CASC3: variants seen among roughly 807,000 people sequenced by gnomAD.
CASC3 encodes CASC3 exon junction complex subunit, also known as protein CASC3.
CASC3 carries 30 observed loss-of-function variants against 80.5 expected under a neutral mutation model. The ratio of observed to expected loss-of-function variants is 0.37; its 90% CI spans 0.28 to 0.51. CASC3 has a LOEUF of 0.51. Among genes scored for constraint, CASC3 ranks in the 20% least tolerant of loss-of-function variants. The pLI is 0.94. For missense variants in CASC3, 824 were observed against 922.2 expected, an observed-to-expected ratio of 0.89 and a Z score of 1.38; for synonymous variants, 312 against 333.6, an observed-to-expected ratio of 0.94 and a Z score of 0.70.
chr17:40,162,609 G>T, intron 5 of CASC3, 116 bp from the exon 6 acceptor site: 1 of 892,004 alleles, frequency 1.1e-6, no homozygotes, highest in Non-Finnish European at 1.7e-6. Context: ...TTGGGATGAT[G>T]AGGAGACTAC....
Position 40,161,911 on chromosome 17 carries a change from GGTTA to G in CASC3, c.456+3_456+6del. 1 of 1,614,082 alleles carries G rather than the reference GGTTA, an allele frequency of 6.2e-7. No homozygotes were observed. On this transcript the variant is annotated splice_donor_variant and splice_donor_region_variant and intron_variant, in intron 4 of 13. Transcript: ENST00000264645. LOFTEE classifies it high-confidence loss of function. ...GAGAGAGGCAAAGTGGGGACGGACA[GGTTA>G]GTACATTCCACAGTCCTCCATTTTA...
chr17:40,142,026 T>A (rs770941020), intron 3 of CASC3, among the ~76,000 whole-genome samples: 10 of 152,194 alleles, frequency 6.6e-5, no homozygotes, highest in Non-Finnish European at 1.5e-4. Context: ...ATCCATCATT[T>A]TATAGGTGGG....
At chr17:40,145,258 G>A (rs550783599) in intron 3 of CASC3, among the ~76,000 whole-genome samples, 1 of 150,670 alleles carries the variant, frequency 6.6e-6, no homozygotes, top group East Asian at 2.0e-4. Context: ...TGCAGCCTCC[G>A]CCCCGCCTGG....
chr17:40,171,892 G>A lies in CASC3; in HGVS notation c.*1487G>A. The A allele has an allele frequency of 1.6e-6, 2 of 1,227,338 alleles. No homozygotes were observed. Among genetic ancestry groups the A allele is most frequent in the Non-Finnish European group, 2.1e-6 (2 of 959,714 alleles). The allele number at this position is 1,227,338 out of a possible 1,614,324, so 76.0% of individuals were successfully genotyped here. On this transcript the variant is annotated 3_prime_UTR_variant, in exon 14 of 14. Coordinates refer to ENST00000264645, the MANE Select transcript of CASC3 (RefSeq NM_007359.5). ...AGGCACTTAATCTGTAACCCCCAAG[G>A]AGGAAATAACTAAGAGATTCTTCTA...
At position 40,161,816 on chromosome 17, in the gene CASC3, G is replaced by A. The variant is rs753798113; in HGVS notation, c.361G>A (p.Asp121Asn). The change falls in exon 4 of 14, where the codon GAT (aspartate) becomes AAT (asparagine). Residue 121 changes from aspartate (D) to asparagine (N), a missense_variant. By Grantham distance (23) the Asp-to-Asn change is conservative. Transcript: ENST00000264645. ...SKVELKSEAN[D>N]AVNSSTKEEK... is the part of the protein sequence containing the mutation. ...AGTGGAGCTGAAATCAGAAGCTAAT[G>A]ATGCTGTTAATTCTTCAACAAAAGA... 2 of 1,614,110 alleles carry A rather than the reference G, an allele frequency of 1.2e-6. No homozygotes were observed. The highest frequency in any genetic ancestry group is 2.2e-5 in the East Asian group (1 of 44,876).
At chr17:40,144,077 C>T (rs1052150534) in intron 3 of CASC3, among the ~76,000 whole-genome samples, 3 of 151,710 alleles carry the variant, frequency 2.0e-5, no homozygotes, top group Non-Finnish European at 2.9e-5. Flanking sequence ...CATGGCGAAA[C>T]CCATTTTCAG....
intron 3 of CASC3, among the ~76,000 whole-genome samples, chr17:40,146,575 T>G (rs1352665582): frequency 1.3e-5 from 2 of 151,894 alleles, no homozygotes; most frequent in Non-Finnish European, 2.9e-5. Flanking sequence ...TAGCTGGGAT[T>G]ACAGGCGCAC....
chr17:40,160,337 A>T (rs1989261716), intron 3 of CASC3, among the ~76,000 whole-genome samples: 2 of 151,534 alleles, frequency 1.3e-5, no homozygotes. Context: ...TACTAAAAAT[A>T]AAAAAAAATC....
chr17:40,156,206 C>T (rs889925030), intron 3 of CASC3, among the ~76,000 whole-genome samples: 2 of 152,026 alleles, frequency 1.3e-5, no homozygotes, highest in African/African-American at 4.8e-5. Context: ...TGCCACCTAC[C>T]CATCCTAGTC....
rs1247953490 is a variant in CASC3, at chr17:40,167,924, C to T, written c.1726C>T (p.Pro576Ser). ...GCCTCCACAGGGCATGCTTGTGCAG[C>T]CAGGAATGAACCTTCCCCACCCAGG... ...PLPPQGMLVQPGMNLPHPGLH... is the reference protein window; with the variant it reads ...PLPPQGMLVQSGMNLPHPGLH... Residue 576 changes from proline (P) to serine (S), a missense_variant, in exon 10 of 14, where the codon CCA (proline) becomes TCA (serine). Around this residue, in one of 3 missense-constraint regions of CASC3, gnomAD observed 464 missense variants for 506.0 expected, o/e 0.92. Coordinates refer to ENST00000264645, the MANE Select transcript of CASC3 (RefSeq NM_007359.5). 1 of 1,613,968 alleles carries T rather than the reference C, an allele frequency of 6.2e-7. No individual in the cohort carries two copies. The highest frequency in any genetic ancestry group is 8.5e-7 in the Non-Finnish European group (1 of 1,180,012).
chr17:40,147,823 T>C (rs1354500170), intron 3 of CASC3, among the ~76,000 whole-genome samples: 1 of 152,154 alleles, frequency 6.6e-6, no homozygotes. Context: ...TGGTAAATAG[T>C]TTTTGATTCC....
chr17:40,141,439 TG>T, intron 2 of CASC3, 130 bp from the exon 3 acceptor site: 1 of 871,118 alleles, frequency 1.1e-6, no homozygotes, highest in Non-Finnish European at 1.9e-6. Flanking sequence ...CTTTTGTAAG[TG>T]GGGACTATAA....
chr17:40,165,631 T>C (rs1244105077), intron 7 of CASC3, among the ~76,000 whole-genome samples: 1 of 152,226 alleles, frequency 6.6e-6, no homozygotes, highest in East Asian at 1.9e-4. Flanking sequence ...TCTTCTCTAA[T>C]ATATTTGAAA....
intron 3 of CASC3, among the ~76,000 whole-genome samples, chr17:40,157,793 C>G (rs374249840): frequency 2.0e-5 from 3 of 152,024 alleles, no homozygotes; most frequent in South Asian, 4.2e-4. Context: ...GAAGCCATAC[C>G]AATAACATAA....
At chr17:40,156,109 G>C (rs1457756881) in intron 3 of CASC3, among the ~76,000 whole-genome samples, 3 of 152,126 alleles carry the variant, frequency 2.0e-5, no homozygotes, top group Non-Finnish European at 4.4e-5. Context: ...TAGGGAGATG[G>C]AGAATTAAAG....
At chr17:40,162,216 C>A in intron 5 of CASC3, 63 bp downstream of exon 5, 1 of 1,488,140 alleles carries the variant, frequency 6.7e-7, no homozygotes, top group South Asian at 1.3e-5. Context: ...CCAGGTACTT[C>A]GATTTGCCTG....
rs1989222799 is a variant in CASC3 at position 40,159,022 on chromosome 17, G to A, written c.298-2731G>A. ...AGGCTGAGGCAGGAGGTTCGCTTGA[G>A]CTCAGAAGTTTCAGACCAGCCTGGG... On this transcript the variant is annotated intron_variant, in intron 3 of 13. Coordinates refer to ENST00000264645, the MANE Select transcript of CASC3 (RefSeq NM_007359.5). 2.0e-5 allele frequency among the ~76,000 whole-genome samples: 3 copies of A among 152,246 alleles called. No homozygotes were observed. The South Asian group carries it at 6.2e-4, about 32-fold the overall frequency.
intron 3 of CASC3, among the ~76,000 whole-genome samples, chr17:40,143,744 C>T (rs947694323): frequency 2.0e-5 from 3 of 151,856 alleles, no homozygotes; most frequent in Admixed American, 6.6e-5. Context: ...GCAGGAGAAT[C>T]GCTTGAATCC....
chr17:40,157,819 GTATTTTA>G (rs1363195993), intron 3 of CASC3, among the ~76,000 whole-genome samples: 1 of 152,190 alleles, frequency 6.6e-6, no homozygotes, highest in Non-Finnish European at 1.5e-5. Context: ...CAGTGAATAT[GTATTTTA>G]TATTTTATGT....
Sources: allele counts gnomAD v4.1 joint callset (sites outside exome capture counted in the v4.1 genomes callset), GRCh38; gene constraint gnomAD v4.1.1; regional missense constraint gnomAD v4.1.1; transcripts MANE v1.5; gene names NCBI Gene and HGNC (gene_info 2026-07-23, HGNC 2026-07-21).